The following CFAP53 variants were observed in gnomAD, a reference collection of about 807,000 sequenced individuals.
CFAP53 encodes cilia and flagella associated protein 53, also known as cilia- and flagella-associated protein 53.
Under a neutral mutation model 59.7 loss-of-function variants are expected in CFAP53, and 62 were observed. The observed-to-expected ratio is 1.04, with a 90% CI of 0.85 to 1.28. The LOEUF is 1.28. Ranked by LOEUF, CFAP53 falls within the 50% of genes most tolerant of loss-of-function variation. CFAP53 has a pLI of 0.00. For missense variants in CFAP53, 629 were observed against 615.6 expected, an observed-to-expected ratio of 1.02 and a Z score of -0.23; for synonymous variants, 218 against 205.7, an observed-to-expected ratio of 1.06 and a Z score of -0.51.
chr18:50,238,410 C>T (rs1261950454), intron 7 of CFAP53, among the ~76,000 whole-genome samples, 193 bp downstream of exon 7: 1 of 152,118 alleles, frequency 6.6e-6, no homozygotes, highest in African/African-American at 2.4e-5. Flanking sequence ...CCATATCTGG[C>T]TAGTTTTTAT....
intron 3 of CFAP53, among the ~76,000 whole-genome samples, chr18:50,252,757 C>G (rs2033813144): frequency 6.6e-6 from 1 of 152,096 alleles, no homozygotes; most frequent in Non-Finnish European, 1.5e-5. Context: ...CATGGTGACT[C>G]ATATCTGTAA....
In CFAP53 at chr18:50,262,185, T is replaced by A; in HGVS notation, c.104A>T (p.His35Leu). The change falls in exon 2 of 8, where the codon CAC becomes CTC. Residue 35 changes from histidine to leucine, a missense_variant. Physicochemically the swap from His to Leu is moderately conservative, Grantham distance 99. Coordinates refer to ENST00000398545, the MANE Select transcript of CFAP53 (RefSeq NM_145020.5). Reference protein sequence around the residue: ...SKPPKGQGAEHHLERIRRSHQ... With the variant: ...SKPPKGQGAELHLERIRRSHQ... The stretch of plus-strand genomic sequence containing the variant: ...GCTGCGTCGGATTCTTTCTAGATGG[T>A]GCTCAGCTCCTTGGCCTTTAGGAGG... The A allele has an allele frequency of 6.2e-7, 1 of 1,614,202 alleles. No homozygotes were observed. The highest frequency in any genetic ancestry group is 8.5e-7 in the Non-Finnish European group (1 of 1,180,020).
rs759013557 is a variant in CFAP53, at chr18:50,251,517, CGCCT to C, written c.737_740del (p.Gln246ArgfsTer5). On this transcript the variant is annotated frameshift_variant, in exon 4 of 8. Coordinates refer to ENST00000398545, the MANE Select transcript of CFAP53 (RefSeq NM_145020.5). LOFTEE classifies it high-confidence loss of function. ...CCTCCTCTTCCTTCAGCAGCTGTGT[CGCCT>C]GCCTTTGTGCCTTGATGCTGGTGAT... 4 of 1,613,904 alleles carry C rather than the reference CGCCT, an allele frequency of 2.5e-6. No homozygotes were observed. Among genetic ancestry groups the C allele is most frequent in the Non-Finnish European group, 3.4e-6 (4 of 1,180,054 alleles).
chr18:50,249,401 C>T (rs188506727), intron 5 of CFAP53, among the ~76,000 whole-genome samples: 1 of 151,556 alleles, frequency 6.6e-6, no homozygotes, highest in East Asian at 1.9e-4. Flanking sequence ...GCCTGTAATC[C>T]CAACTACTCA....
intron 3 of CFAP53, among the ~76,000 whole-genome samples, chr18:50,258,039 G>C (rs903238999): frequency 6.6e-6 from 1 of 152,018 alleles, no homozygotes; most frequent in Non-Finnish European, 1.5e-5. Context: ...CTGGACAACT[G>C]AGTGAGACCC....
chr18:50,243,140 T>C, intron 5 of CFAP53, 24 bp from the exon 6 acceptor site: 4 of 1,575,750 alleles, frequency 2.5e-6, no homozygotes, highest in Non-Finnish European at 3.5e-6. Context: ...AAATTCATAT[T>C]GTTAAAATTT....
In CFAP53 at chr18:50,247,811, G is replaced by A. The variant is rs368769207; in HGVS notation, c.996+2947C>T. Among the ~76,000 whole-genome samples, 10 of 152,328 alleles carry A rather than the reference G, an allele frequency of 6.6e-5. No homozygotes were observed. The East Asian group carries it at 1.7e-3, about 26-fold the overall frequency. On this transcript the variant is annotated intron_variant, in intron 5 of 7. Coordinates refer to ENST00000398545, the MANE Select transcript of CFAP53 (RefSeq NM_145020.5). ...GGCTGCTTAGGACTGGAGGCAGGAG[G>A]TGGGGAAGAAGGGATAGCAGGATAG...
At position 50,228,881 on chromosome 18, in the gene CFAP53, G is replaced by A. The variant is rs186080727; in HGVS notation, c.1317-1272C>T. On this transcript the variant is annotated intron_variant, in intron 7 of 7. Transcript: ENST00000398545. ...CCAGCACCTTAGGAGCCCAAGACAG[G>A]AGGATCACAGGAGTTTGAGACCAGC... Among the ~76,000 whole-genome samples, 602 of 152,032 alleles carry A rather than the reference G, an allele frequency of 4.0e-3. 1 individual carries two copies. Among genetic ancestry groups the A allele is most frequent in the African/African-American group, 0.014 (561 of 41,470 alleles).
intron 7 of CFAP53, among the ~76,000 whole-genome samples, chr18:50,229,739 TC>T (rs1256471440): frequency 8.7e-4 from 15 of 17,278 alleles, no homozygotes; most frequent in Admixed American, 2.4e-3. Context: ...TTTTTCTTTT[TC>T]TTTTTTTTTT....
At chr18:50,247,564 C>T (rs2033756854) in intron 5 of CFAP53, among the ~76,000 whole-genome samples, 1 of 152,228 alleles carries the variant, frequency 6.6e-6, no homozygotes, top group South Asian at 2.1e-4. Flanking sequence ...CCCAAATGTC[C>T]ATCAACTGAC....
At chr18:50,239,218 T>C (rs2033665521) in intron 6 of CFAP53, among the ~76,000 whole-genome samples, 1 of 151,824 alleles carries the variant, frequency 6.6e-6, no homozygotes, top group Non-Finnish European at 1.5e-5. Context: ...TGAAACCCCG[T>C]CTCTACTAAA....
At position 50,261,915 on chromosome 18, in the gene CFAP53, A is replaced by G; in HGVS notation, c.299+75T>C. 2.5e-6 allele frequency: 3 copies of G among 1,178,252 alleles called. No individual in the cohort carries two copies. In the South Asian group the frequency reaches 3.9e-5, roughly 15 times the overall value. The allele number at this position is 1,178,252 out of a possible 1,614,324, so 73.0% of individuals were successfully genotyped here. A position where few individuals can be genotyped will look rare whatever the true frequency, so the allele number is the denominator to read the frequency against. ...TCAGCCATGATCCTTGCTAAATTTGATTTTTGACTGGTCAATCTCAAATTG... is the reference window on the plus strand; with the variant it reads ...TCAGCCATGATCCTTGCTAAATTTGGTTTTTGACTGGTCAATCTCAAATTG... On this transcript the variant is annotated intron_variant, in intron 2 of 7. Transcript: ENST00000398545.
chr18:50,262,320 G>T (rs1318844238), intron 1 of CFAP53, 101 bp from the exon 2 acceptor site: 1 of 990,760 alleles, frequency 1.0e-6, no homozygotes. Flanking sequence ...AAATAAAATT[G>T]GGTATAAAAA....
At chr18:50,254,430 G>A (rs952599308) in intron 3 of CFAP53, among the ~76,000 whole-genome samples, 4 of 152,170 alleles carry the variant, frequency 2.6e-5, no homozygotes, top group South Asian at 2.1e-4. Flanking sequence ...ATCACAGCAC[G>A]CCTATTAGAA....
chr18:50,245,659 C>T (rs1217883582), intron 5 of CFAP53, among the ~76,000 whole-genome samples: 1 of 152,110 alleles, frequency 6.6e-6, no homozygotes, highest in Non-Finnish European at 1.5e-5. Context: ...AATCAGAAAA[C>T]AATACTGTGA....
In CFAP53 at chr18:50,266,382, G is replaced by A. The variant is rs1432638660; in HGVS notation, c.23C>T (p.Thr8Ile). 6.2e-7 allele frequency: 1 copy of A among 1,614,266 alleles called. No homozygotes were observed. The change falls in exon 1 of 8, where the codon ACC becomes ATC. Residue 8 changes from threonine (T) to isoleucine (I), a missense_variant. By Grantham distance (89) the Thr-to-Ile change is moderately conservative. Coordinates refer to ENST00000398545, the MANE Select transcript of CFAP53 (RefSeq NM_145020.5). Reference protein sequence around the residue: MYSQRFGTVQREVKGPTP... With the variant: MYSQRFGIVQREVKGPTP... ...GGGGCCCTTAACCTCCCGCTGTACG[G>A]TGCCAAACCGCTGGCTGTACATTTT... is the stretch of plus-strand genomic sequence containing the variant.
intron 7 of CFAP53, among the ~76,000 whole-genome samples, chr18:50,230,890 A>G (rs901272768): frequency 2.0e-5 from 3 of 152,212 alleles, no homozygotes; most frequent in Admixed American, 2.0e-4. Context: ...TCTATGGCAG[A>G]TTCTATTTTC....
intron 7 of CFAP53, among the ~76,000 whole-genome samples, chr18:50,228,944 T>A (rs1170223369): frequency 6.6e-6 from 1 of 151,036 alleles, no homozygotes; most frequent in African/African-American, 2.4e-5. Context: ...TACAAAAAAA[T>A]AAAAAACTAG....
At chr18:50,232,882 C>A (rs1475827141) in intron 7 of CFAP53, among the ~76,000 whole-genome samples, 1 of 152,196 alleles carries the variant, frequency 6.6e-6, no homozygotes, top group Non-Finnish European at 1.5e-5. Context: ...CCTTCCTTTT[C>A]TTTTTCTCTT....
Sources: allele counts gnomAD v4.1 joint callset (sites outside exome capture counted in the v4.1 genomes callset), GRCh38; gene constraint gnomAD v4.1.1; transcripts MANE v1.5; gene names NCBI Gene and HGNC (gene_info 2026-07-23, HGNC 2026-07-21).